The following RARB variants were observed in gnomAD, a reference collection of about 807,000 sequenced individuals.
RARB encodes the protein HBV-activated protein.
In RARB, 17 loss-of-function variants were observed where a neutral mutation model predicts 51.9. The observed-to-expected ratio is 0.33, with a 90% confidence interval of 0.22 to 0.49. The LOEUF is 0.49. Among genes scored for constraint, RARB ranks in the 20% least tolerant of loss-of-function variants. RARB has a pLI of 0.99. For synonymous variants in RARB, 215 were observed against 195.4 expected (o/e 1.10, Z -0.84); for missense variants, 369 against 550.8 (o/e 0.67, Z 3.30).
At chr3:25,344,271 G>A (rs1326343168) in intron 5 of RARB, among the ~76,000 whole-genome samples, 1 of 152,080 alleles carries the variant, frequency 6.6e-6, no homozygotes, top group African/African-American at 2.4e-5. Flanking sequence ...AAAAAATTTG[G>A]TGCTTTGTTT....
At chr3:24,997,378 G>T (rs1263231868) in intron 2 of RARB, among the ~76,000 whole-genome samples, 2 of 150,974 alleles carry the variant, frequency 1.3e-5, no homozygotes, top group African/African-American at 4.9e-5. Context: ...GCCTCAAGTT[G>T]GGTCTTTTTT....
At chr3:25,541,742 A>G (rs776336528) in intron 3 of RARB, among the ~76,000 whole-genome samples, 1 of 152,190 alleles carries the variant, frequency 6.6e-6, no homozygotes, top group Non-Finnish European at 1.5e-5. Flanking sequence ...GAATATGTGC[A>G]TGATGTAAGC....
At chr3:24,845,478 AAGAGAG>A (rs1020295679) in intron 1 of RARB, among the ~76,000 whole-genome samples, 1 of 151,954 alleles carries the variant, frequency 6.6e-6, no homozygotes, top group Non-Finnish European at 1.5e-5. Flanking sequence ...CAGATGGGGC[AAGAGAG>A]AGAGAGAATC....
chr3:24,961,155 T>C (rs991043557), intron 2 of RARB, among the ~76,000 whole-genome samples: 1 of 152,220 alleles, frequency 6.6e-6, no homozygotes, highest in African/African-American at 2.4e-5. Context: ...TAATGATAAA[T>C]AGGAATCTAG....
At chr3:25,159,299 A>G (rs994371748) in intron 4 of RARB, among the ~76,000 whole-genome samples, 1 of 150,338 alleles carries the variant, frequency 6.7e-6, no homozygotes, top group South Asian at 2.1e-4. Flanking sequence ...CCTCGTGAGT[A>G]GCTGGGATTA....
At chr3:25,478,022 T>C (rs940023696) in intron 2 of RARB, among the ~76,000 whole-genome samples, 63 of 152,244 alleles carry the variant, frequency 4.1e-4, no homozygotes, top group Non-Finnish European at 8.1e-4. Flanking sequence ...AAGCAGCTTC[T>C]TGATGTGGCT....
intron 2 of RARB, among the ~76,000 whole-genome samples, chr3:25,034,253 T>C (rs531826863): frequency 1.3e-5 from 2 of 152,210 alleles, no homozygotes; most frequent in Non-Finnish European, 2.9e-5. Context: ...GAGTTTGCAG[T>C]GAGTCAAGAT....
At chr3:25,002,746 TTCTG>T (rs1697189771) in intron 2 of RARB, among the ~76,000 whole-genome samples, 1 of 65,330 alleles carries the variant, frequency 1.5e-5, no homozygotes, top group South Asian at 7.7e-4. Context: ...AAAAGACATA[TTCTG>T]TGTGTGTGTG....
At chr3:25,175,696 G>C (rs1475837234) in intron 5 of RARB, among the ~76,000 whole-genome samples, 2 of 152,154 alleles carry the variant, frequency 1.3e-5, no homozygotes, top group African/African-American at 4.8e-5. Context: ...TTGGGATGTT[G>C]ATTGCAATCA....
At chr3:25,440,578 C>G (rs773243870) in intron 1 of RARB, among the ~76,000 whole-genome samples, 6 of 152,214 alleles carry the variant, frequency 3.9e-5, no homozygotes, top group Admixed American at 2.0e-4. Context: ...CGAGACCAGA[C>G]TGGTCAATGT....
intron 1 of RARB, among the ~76,000 whole-genome samples, chr3:24,836,894 T>G (rs1035287204): frequency 6.6e-6 from 1 of 152,222 alleles, no homozygotes; most frequent in African/African-American, 2.4e-5. Context: ...TTTTTATCAT[T>G]TATATATGTA....
At chr3:25,041,740 G>A (rs908776948) in intron 2 of RARB, among the ~76,000 whole-genome samples, 2 of 151,830 alleles carry the variant, frequency 1.3e-5, no homozygotes, top group South Asian at 2.1e-4. Context: ...ATGCCAACTA[G>A]TATAAAATAA....
At chr3:25,027,791 G>GC (rs1697781410) in intron 2 of RARB, among the ~76,000 whole-genome samples, 1 of 152,134 alleles carries the variant, frequency 6.6e-6, no homozygotes, top group Non-Finnish European at 1.5e-5. Context: ...AGAGACTCAG[G>GC]CGGCCCCAGA....
At chr3:25,343,290 C>G (rs1293914186) in intron 5 of RARB, among the ~76,000 whole-genome samples, 1 of 152,068 alleles carries the variant, frequency 6.6e-6, no homozygotes, top group African/African-American at 2.4e-5. Flanking sequence ...CTCAGTTTCT[C>G]TGGTCCCAGA....
intron 2 of RARB, among the ~76,000 whole-genome samples, chr3:25,007,703 C>G (rs181203585): frequency 5.9e-5 from 9 of 151,590 alleles, no homozygotes; most frequent in Admixed American, 5.9e-4. Flanking sequence ...TTATAAGACT[C>G]AAGTACCCAC....
At chr3:25,062,384 G>T (rs143079415) in intron 3 of RARB, among the ~76,000 whole-genome samples, 5 of 151,992 alleles carry the variant, frequency 3.3e-5, no homozygotes, top group African/African-American at 9.6e-5. Context: ...TGGGAACGTA[G>T]CATGAAATAA....
chr3:25,372,862 T>G lies in RARB; in HGVS notation c.179-88331T>G, dbSNP rs75363640. On this transcript the variant is annotated intron_variant, in intron 5 of 11. Transcript: ENST00000383772. ...AAAAGAAAAACGTAAACTTAAAAAA[T>G]TTTTTTTAAAGAGTGAAATGGATAG... 2.6e-5 allele frequency among the ~76,000 whole-genome samples: 4 copies of G among 151,988 alleles called. No homozygotes were observed. In the South Asian group the frequency reaches 8.3e-4, roughly 32 times the overall value.
intron 5 of RARB, among the ~76,000 whole-genome samples, chr3:25,181,728 T>G (rs2125357702): frequency 6.6e-6 from 1 of 152,342 alleles, no homozygotes; most frequent in East Asian, 1.9e-4. Context: ...TATGCTTTTA[T>G]TATACCCTAA....
intron 2 of RARB, among the ~76,000 whole-genome samples, chr3:24,859,090 G>A (rs955741663): frequency 7.0e-6 from 1 of 142,712 alleles, no homozygotes; most frequent in African/African-American, 2.6e-5. Context: ...ACTCTTATTA[G>A]AAGCTATGGT....
Sources: gnomAD v4.1 joint callset for allele counts (sites outside exome capture counted in the v4.1 genomes callset) on GRCh38, gnomAD v4.1.1 for gene constraint, MANE v1.5 for transcripts, NCBI Gene and HGNC (gene_info 2026-07-23, HGNC 2026-07-21) for gene names.